The following FRY variants were observed in gnomAD, a reference collection of about 807,000 sequenced individuals.
FRY encodes FRY microtubule binding protein, also known as protein furry homolog.
FRY carries 128 observed loss-of-function variants against 348.4 expected under a neutral mutation model. That is an observed-to-expected ratio of 0.37 (90% CI 0.32 to 0.43). The LOEUF is 0.43. Among genes scored for constraint, FRY ranks in the 20% least tolerant of loss-of-function variants. FRY has a pLI of 1.00. For missense variants in FRY, 2,736 were observed against 3,695.2 expected, an observed-to-expected ratio of 0.74 and a Z score of 6.73; for synonymous variants, 1,370 against 1,374.7, an observed-to-expected ratio of 1.00 and a Z score of 0.08.
chr13:32,066,448 C>A (rs969630343), intron 1 of FRY, among the ~76,000 whole-genome samples: 3 of 152,172 alleles, frequency 2.0e-5, no homozygotes, highest in Non-Finnish European at 2.9e-5. Flanking sequence ...GTATACATCC[C>A]TAACAGTTTT....
chr13:32,095,797 T>C (rs565772796), intron 2 of FRY, among the ~76,000 whole-genome samples: 17 of 152,274 alleles, frequency 1.1e-4, no homozygotes, highest in East Asian at 9.7e-4. Context: ...TATTTTGAGG[T>C]CTTAGATTTA....
At chr13:32,194,052 T>G in intron 28 of FRY, 91 bp from the exon 29 acceptor site, 1 of 1,252,426 alleles carries the variant, frequency 8.0e-7, no homozygotes. Context: ...TTCATTTTAC[T>G]CAGTTTATAT....
intron 1 of FRY, among the ~76,000 whole-genome samples, chr13:32,057,816 C>T (rs772388873): frequency 6.6e-5 from 10 of 151,972 alleles, no homozygotes; most frequent in Non-Finnish European, 1.5e-4. Flanking sequence ...AAAAATTAGC[C>T]GAGTGTGGTG....
intron 1 of FRY, among the ~76,000 whole-genome samples, chr13:32,071,454 T>C (rs965402964): frequency 6.6e-6 from 1 of 152,202 alleles, no homozygotes; most frequent in Non-Finnish European, 1.5e-5. Flanking sequence ...GATTCCTAGG[T>C]ATTTTATTCT....
At chr13:32,265,254 A>T (rs190912863) in intron 53 of FRY, among the ~76,000 whole-genome samples, 196 bp from the exon 54 acceptor site, 1 of 152,356 alleles carries the variant, frequency 6.6e-6, no homozygotes, top group Non-Finnish European at 1.5e-5. Context: ...ATTGAAAAGA[A>T]GATAAAGAAT....
At chr13:32,238,322 A>G (rs1351994790) in intron 44 of FRY, among the ~76,000 whole-genome samples, 1 of 151,788 alleles carries the variant, frequency 6.6e-6, no homozygotes, top group African/African-American at 2.4e-5. Flanking sequence ...TAACTCCTAA[A>G]TCTTTTATTT....
chr13:32,214,422 A>G (rs1007567618), intron 35 of FRY, among the ~76,000 whole-genome samples: 2 of 152,212 alleles, frequency 1.3e-5, no homozygotes, highest in African/African-American at 4.8e-5. Context: ...AATTTTCTTA[A>G]AAGATTATGA....
intron 11 of FRY, among the ~76,000 whole-genome samples, chr13:32,144,544 G>C (rs543950428): frequency 6.6e-6 from 1 of 152,140 alleles, no homozygotes; most frequent in South Asian, 2.1e-4. Flanking sequence ...TCTTTATTCA[G>C]TAACAGTTTA....
chr13:32,167,543 T>C (rs1881808304), intron 17 of FRY, among the ~76,000 whole-genome samples: 1 of 152,222 alleles, frequency 6.6e-6, no homozygotes, highest in African/African-American at 2.4e-5. Flanking sequence ...CTCTCCTTAA[T>C]TTAGCTAATT....
intron 1 of FRY, among the ~76,000 whole-genome samples, chr13:32,049,392 G>A (rs533052094): frequency 1.6e-4 from 25 of 152,296 alleles, no homozygotes; most frequent in African/African-American, 5.3e-4. Context: ...AGGATCTGCC[G>A]AAAGGTCTGG....
At chr13:32,083,602 C>G (rs573750123) in intron 2 of FRY, among the ~76,000 whole-genome samples, 67 of 152,160 alleles carry the variant, frequency 4.4e-4, no homozygotes, top group Non-Finnish European at 8.1e-4. Flanking sequence ...TTCTGTTGCC[C>G]AGAGTTATTG....
At chr13:32,089,761 CA>C (rs1033111431) in intron 2 of FRY, among the ~76,000 whole-genome samples, 1 of 141,426 alleles carries the variant, frequency 7.1e-6, no homozygotes, top group African/African-American at 2.8e-5. Flanking sequence ...ACCTTGTCTC[CA>C]AAAAAAGAAA....
chr13:32,209,792 G>C, intron 33 of FRY, 61 bp downstream of exon 33: 1 of 1,532,314 alleles, frequency 6.5e-7, no homozygotes, highest in Non-Finnish European at 9.0e-7. Context: ...TGTGCAATTT[G>C]CAAGTCAGAA....
chr13:32,148,719 A>G (rs1254756830), intron 13 of FRY, among the ~76,000 whole-genome samples: 1 of 152,192 alleles, frequency 6.6e-6, no homozygotes, highest in Non-Finnish European at 1.5e-5. Flanking sequence ...TGCTTGCTTC[A>G]GAATATTGTG....
chr13:32,111,059 G>T (rs1195333876), intron 3 of FRY, among the ~76,000 whole-genome samples: 1 of 152,184 alleles, frequency 6.6e-6, no homozygotes, highest in East Asian at 1.9e-4. Flanking sequence ...GGTGAATACT[G>T]TCATTTGCTC....
chr13:32,155,779 C>T, intron 15 of FRY, 117 bp downstream of exon 15: 1 of 660,260 alleles, frequency 1.5e-6, no homozygotes, highest in South Asian at 2.1e-5. Context: ...GATGATAAGA[C>T]ATTCCAACAT....
At position 32,210,910 on chromosome 13, in the gene FRY, A is replaced by C; in HGVS notation, c.4467A>C (p.Gln1489His). ...AIYLCRNNTIQTMEELLFELQ... is the reference protein window; with the variant it reads ...AIYLCRNNTIHTMEELLFELQ... ...ACTTGTGCCGTAACAACACCATTCA[A>C]ACCATGGAAGAGCTTCTCTTTGAGC... Residue 1489 changes from glutamine (Q) to histidine (H), a missense_variant, in exon 34 of 61, where the codon CAA becomes CAC. By Grantham distance (24) the Gln-to-His change is conservative (BLOSUM62 0). Around this residue, in one of 9 missense-constraint regions of FRY, gnomAD observed 794 missense variants for 977.0 expected, o/e 0.81. Coordinates refer to ENST00000542859, the MANE Select transcript of FRY (RefSeq NM_023037.3). 6.2e-7 allele frequency: 1 copy of C among 1,613,944 alleles called. No homozygotes were observed. The highest frequency in any genetic ancestry group is 8.5e-7 in the Non-Finnish European group (1 of 1,179,842).
At chr13:32,166,124 T>C (rs1881722246) in intron 17 of FRY, among the ~76,000 whole-genome samples, 2 of 152,218 alleles carry the variant, frequency 1.3e-5, no homozygotes, top group South Asian at 2.1e-4. Flanking sequence ...GCAACTGGTA[T>C]TGGCAACACT....
At position 32,124,320 on chromosome 13, in the gene FRY, C is replaced by T. The variant is rs773842653; in HGVS notation, c.499C>T (p.Arg167Trp). 5 of 1,601,968 alleles carry T rather than the reference C, an allele frequency of 3.1e-6. No homozygotes were observed. The highest frequency in any genetic ancestry group is 1.3e-5 in the African/African-American group (1 of 74,788). ...EQQRDYLMER[R>W]DLAIDFIFSL... The stretch of plus-strand genomic sequence containing the variant: ...ACAGCGAGATTATTTAATGGAAAGA[C>T]GGGACCTCGCCATTGATTTTATTTT... The change falls in exon 5 of 61, where the codon CGG becomes TGG. Residue 167 changes from arginine to tryptophan, a missense_variant. Transcript: ENST00000542859.
Sources: allele counts gnomAD v4.1 joint callset (sites outside exome capture counted in the v4.1 genomes callset), GRCh38; gene constraint gnomAD v4.1.1; regional missense constraint gnomAD v4.1.1; transcripts MANE v1.5; gene names NCBI Gene and HGNC (gene_info 2026-07-23, HGNC 2026-07-21).